GPR161: variants seen among roughly 807,000 people sequenced by gnomAD.
GPR161 encodes the protein G-protein coupled receptor RE2.
In GPR161, 25 loss-of-function variants were observed where a neutral mutation model predicts 39.2. That is an observed-to-expected ratio of 0.64 (90% confidence interval 0.47 to 0.89). The LOEUF is 0.89. Among genes scored for constraint, GPR161 ranks in the 40% least tolerant of loss-of-function variants. GPR161 has a pLI of 0.00. For synonymous variants in GPR161, 286 were observed against 276.6 expected, an observed-to-expected ratio of 1.03 and a Z score of -0.34; for missense variants, 547 against 677.8, an observed-to-expected ratio of 0.81 and a Z score of 2.14.
chr1:168,092,071 T>TA (rs1695118153), intron 3 of GPR161, among the ~76,000 whole-genome samples: 1 of 152,206 alleles, frequency 6.6e-6, no homozygotes, highest in Non-Finnish European at 1.5e-5. Flanking sequence ...AGCAGGCTTC[T>TA]CTCAGAACTT....
intron 2 of GPR161, among the ~76,000 whole-genome samples, chr1:168,102,900 CA>C (rs1211776014): frequency 6.6e-6 from 1 of 151,408 alleles, no homozygotes; most frequent in Non-Finnish European, 1.5e-5. Context: ...AACAAACTTC[CA>C]AACTTTTTTT....
At chr1:168,108,355 A>C (rs7533646) in intron 1 of GPR161, among the ~76,000 whole-genome samples, 50,851 of 151,614 alleles carry the variant, frequency 0.34, 8,834 homozygotes, top group Admixed American at 0.47. Flanking sequence ...CGGGGCCCCC[A>C]AAACCATATC....
chr1:168,085,265 TG>T lies in GPR161; in HGVS notation c.*265del. The T allele has an allele frequency of 1.9e-6, 1 of 530,848 alleles. No individual in the cohort carries two copies. Among genetic ancestry groups the T allele is most frequent in the East Asian group, 3.4e-5 (1 of 29,826 alleles). The allele number at this position is 530,848 out of a possible 1,614,324, so 32.9% of individuals were successfully genotyped here. A position where few individuals can be genotyped will look rare whatever the true frequency, so the allele number is the denominator to read the frequency against. On this transcript the variant is annotated 3_prime_UTR_variant, in exon 6 of 6. Transcript: ENST00000682931. Reference sequence around the variant, plus strand: ...ACAGCCACATCTCTAGATTTTTTTTTGGTTTTTTTTTTGCTTTAGATGCTTC... The same window carrying T: ...ACAGCCACATCTCTAGATTTTTTTTTGTTTTTTTTTTGCTTTAGATGCTTC...
At chr1:168,126,578 A>T (rs1002052621) in intron 1 of GPR161, among the ~76,000 whole-genome samples, 1 of 152,084 alleles carries the variant, frequency 6.6e-6, no homozygotes, top group African/African-American at 2.4e-5. Context: ...CAGCCTCCCA[A>T]GTAGGTGAAA....
chr1:168,128,668 G>A (rs1281880786), intron 1 of GPR161, among the ~76,000 whole-genome samples: 1 of 152,126 alleles, frequency 6.6e-6, no homozygotes, highest in Non-Finnish European at 1.5e-5. Context: ...TCTATCACAA[G>A]ATAAAAAATA....
At chr1:168,100,638 C>T (rs1205750273) in intron 2 of GPR161, among the ~76,000 whole-genome samples, 1 of 152,214 alleles carries the variant, frequency 6.6e-6, no homozygotes, top group Non-Finnish European at 1.5e-5. Context: ...AGTAAGTTGT[C>T]TTCAGTGAAA....
chr1:168,132,357 G>T (rs1233645120), intron 1 of GPR161, among the ~76,000 whole-genome samples: 1 of 152,018 alleles, frequency 6.6e-6, no homozygotes, highest in Non-Finnish European at 1.5e-5. Context: ...GGAGGTCGAG[G>T]CGGGCGGATC....
In GPR161 at chr1:168,081,122, C is replaced by T. The variant is rs908304705; in HGVS notation, c.*4409G>A. ...CAGGTGATCTGCCCATCTCGACCCC[C>T]CAAAGTGCTGGGATTACAGGCGTGA... On this transcript the variant is annotated 3_prime_UTR_variant, in exon 6 of 6. Coordinates refer to ENST00000682931, the MANE Select transcript of GPR161 (RefSeq NM_001375883.1). The T allele has an allele frequency of 1.3e-5, 2 of 152,226 alleles. No homozygotes were observed. Among genetic ancestry groups the T allele is most frequent in the Admixed American group, 1.3e-4 (2 of 15,274 alleles). The allele number at this position is 152,226 out of a possible 1,614,324, so 9.4% of individuals were successfully genotyped here. A position where few individuals can be genotyped will look rare whatever the true frequency, so the allele number is the denominator to read the frequency against.
chr1:168,119,942 T>A (rs1698025049), intron 1 of GPR161, among the ~76,000 whole-genome samples: 1 of 152,220 alleles, frequency 6.6e-6, no homozygotes, highest in African/African-American at 2.4e-5. Flanking sequence ...GGCAGAAGTC[T>A]GCTGCAGGGG....
At position 168,110,940 on chromosome 1, in the gene GPR161, G is replaced by A. The variant is rs1697120051; in HGVS notation, c.-44-6046C>T. On this transcript the variant is annotated intron_variant, in intron 1 of 5. Transcript: ENST00000682931. ...ACTCTATCTCAAAAAAAAAAAAAGG[G>A]AAAAGAACTAGAAACCACAATGAAA... Among the ~76,000 whole-genome samples the A allele has an allele frequency of 2.0e-5, 3 of 151,346 alleles. No homozygotes were observed. The South Asian group carries it at 6.3e-4, about 32-fold the overall frequency.
intron 3 of GPR161, among the ~76,000 whole-genome samples, chr1:168,095,052 C>A (rs1695398825): frequency 6.6e-6 from 1 of 152,188 alleles, no homozygotes; most frequent in Non-Finnish European, 1.5e-5. Context: ...GGCATATGTG[C>A]CCCCTGCTAT....
intron 1 of GPR161, among the ~76,000 whole-genome samples, chr1:168,110,522 ACG>A (rs1485629255): frequency 0.092 from 11,095 of 120,934 alleles, 1,665 homozygotes; most frequent in African/African-American, 0.15. Flanking sequence ...AAAAAAAAAA[ACG>A]AAAGAAAGGA....
At chr1:168,100,885 T>TA (rs1195813350) in intron 2 of GPR161, among the ~76,000 whole-genome samples, 1 of 152,166 alleles carries the variant, frequency 6.6e-6, no homozygotes, top group Non-Finnish European at 1.5e-5. Flanking sequence ...GCAGCGATGA[T>TA]AGAGGTGACC....
intron 1 of GPR161, chr1:168,136,030 A>T: frequency 1.6e-6 from 2 of 1,238,762 alleles, no homozygotes. Context: ...TTCTCATCCC[A>T]TATGCCTTTG....
intron 1 of GPR161, among the ~76,000 whole-genome samples, chr1:168,118,158 T>C (rs1697790177): frequency 6.6e-6 from 1 of 152,106 alleles, no homozygotes; most frequent in Non-Finnish European, 1.5e-5. Flanking sequence ...AATTTTAAAA[T>C]TTTGTGAATC....
chr1:168,091,741 C>T (rs1030159874), intron 3 of GPR161, among the ~76,000 whole-genome samples: 3 of 151,984 alleles, frequency 2.0e-5, no homozygotes, highest in Non-Finnish European at 2.9e-5. Context: ...ATGGGTCATC[C>T]TCAGAATGTT....
intron 2 of GPR161, among the ~76,000 whole-genome samples, chr1:168,097,495 T>C (rs1490992378): frequency 1.3e-5 from 2 of 152,114 alleles, no homozygotes; most frequent in East Asian, 1.9e-4. Flanking sequence ...CCACTCATAT[T>C]TGGGGGTGTG....
chr1:168,126,532 G>A (rs1343299755), intron 1 of GPR161, among the ~76,000 whole-genome samples: 46 of 152,216 alleles, frequency 3.0e-4, no homozygotes, highest in Admixed American at 2.9e-3. Flanking sequence ...GCCCACTGTA[G>A]CCTCGAACTC....
intron 1 of GPR161, among the ~76,000 whole-genome samples, chr1:168,128,959 T>C (rs924765671): frequency 1.3e-5 from 2 of 152,232 alleles, no homozygotes. Flanking sequence ...ATTGAAGAGC[T>C]GCTCTGTGCC....
Sources: gnomAD v4.1 joint callset for allele counts (sites outside exome capture counted in the v4.1 genomes callset) on GRCh38, gnomAD v4.1.1 for gene constraint, MANE v1.5 for transcripts, NCBI Gene and HGNC (gene_info 2026-07-23, HGNC 2026-07-21) for gene names.